The following ATF7IP variants were observed in gnomAD, a reference collection of about 807,000 sequenced individuals.
ATF7IP encodes activating transcription factor 7 interacting protein.
ATF7IP carries 23 observed loss-of-function variants against 106.4 expected under a neutral mutation model. The ratio of observed to expected loss-of-function variants is 0.22; its 90% CI spans 0.16 to 0.31. The LOEUF is 0.31. ATF7IP is among the 10% of genes least tolerant of loss of function. The pLI is 1.00. For synonymous variants in ATF7IP, 542 were observed against 539.0 expected, an observed-to-expected ratio of 1.01 and a Z score of -0.08; for missense variants, 1,334 against 1,524.3, an observed-to-expected ratio of 0.88 and a Z score of 2.08.
At chr12:14,413,622 TATTA>T (rs762749835) in intron 1 of ATF7IP, among the ~76,000 whole-genome samples, 5 of 152,230 alleles carry the variant, frequency 3.3e-5, no homozygotes, top group South Asian at 2.1e-4. Context: ...ATTATTGATT[TATTA>T]ATTCACATCA....
chr12:14,473,282 C>G (rs7303950), intron 10 of ATF7IP, among the ~76,000 whole-genome samples: 32,925 of 92,648 alleles, frequency 0.36, 3,992 homozygotes, highest in South Asian at 0.47. Flanking sequence ...CGCGCTCTCT[C>G]TCTCTCTCTG....
chr12:14,496,410 C>T (rs561789768), intron 14 of ATF7IP, 67 bp downstream of exon 14: 14 of 1,066,036 alleles, frequency 1.3e-5, no homozygotes, highest in Admixed American at 8.7e-5. Context: ...TTGTATTTGG[C>T]ATTTTTCTTT....
chr12:14,415,691 GTTTT>G (rs71067794), intron 1 of ATF7IP, among the ~76,000 whole-genome samples: 6 of 144,802 alleles, frequency 4.1e-5, no homozygotes, highest in African/African-American at 1.0e-4. Context: ...ACCACTTACT[GTTTT>G]TTTTTTTTTT....
At chr12:14,396,215 C>G (rs1379335833) in intron 1 of ATF7IP, among the ~76,000 whole-genome samples, 1 of 152,060 alleles carries the variant, frequency 6.6e-6, no homozygotes, top group Non-Finnish European at 1.5e-5. Flanking sequence ...GCTCTCTGCT[C>G]TTTCCCTCCC....
At position 14,468,222 on chromosome 12, in the gene ATF7IP, C is replaced by G. The variant is rs868272984; in HGVS notation, c.2862+1632C>G. ...GGCGGAGGTTGCAGTGAGCTGAGAT[C>G]ATACCACTTTACTCCAGCCTGGGTG... On this transcript the variant is annotated intron_variant, in intron 10 of 14. Transcript: ENST00000261168. Among the ~76,000 whole-genome samples, 16 of 145,574 alleles carry G rather than the reference C, an allele frequency of 1.1e-4. 1 individual carries two copies. The highest frequency in any genetic ancestry group is 2.2e-4 in the South Asian group (1 of 4,536).
intron 1 of ATF7IP, among the ~76,000 whole-genome samples, chr12:14,376,813 A>G (rs779834846): frequency 8.5e-5 from 13 of 152,074 alleles, no homozygotes; most frequent in Non-Finnish European, 5.9e-5. Context: ...TTAAGATGCA[A>G]TCCTTGGGAG....
intron 3 of ATF7IP, among the ~76,000 whole-genome samples, chr12:14,434,906 C>G (rs2136613558): frequency 6.6e-6 from 1 of 152,104 alleles, no homozygotes; most frequent in African/African-American, 2.4e-5. Context: ...GGTGACATAG[C>G]AAGAACCTGT....
intron 1 of ATF7IP, chr12:14,369,006 G>A (rs1464812650): frequency 6.6e-6 from 1 of 151,458 alleles, no homozygotes; most frequent in Non-Finnish European, 1.5e-5. Flanking sequence ...CTAAAGTGCA[G>A]TGGCAGTGAT....
intron 13 of ATF7IP, among the ~76,000 whole-genome samples, chr12:14,493,907 A>G (rs1944911135): frequency 6.6e-6 from 1 of 151,774 alleles, no homozygotes; most frequent in African/African-American, 2.4e-5. Flanking sequence ...TGAGTTCATC[A>G]TTTTCTTTCA....
chr12:14,454,816 T>C (rs1260086568), intron 6 of ATF7IP, among the ~76,000 whole-genome samples: 3 of 152,204 alleles, frequency 2.0e-5, no homozygotes, highest in Non-Finnish European at 4.4e-5. Flanking sequence ...TTATTTATTC[T>C]CTATGCTTTT....
rs572714985 is a variant in ATF7IP, at chr12:14,433,610, C to T, written c.1559-727C>T. Among the ~76,000 whole-genome samples, 8 of 151,122 alleles carry T rather than the reference C, an allele frequency of 5.3e-5. No individual in the cohort carries two copies. The East Asian group carries it at 1.4e-3, about 26-fold the overall frequency. On this transcript the variant is annotated intron_variant, in intron 2 of 14. Coordinates refer to ENST00000261168, the MANE Select transcript of ATF7IP (RefSeq NM_018179.5). ...ACTTGAACCCGGGAGGCGGAGGTTGCAGTGAGACGAGATCGCCCCACTGCA... is the reference window on the plus strand; with the variant it reads ...ACTTGAACCCGGGAGGCGGAGGTTGTAGTGAGACGAGATCGCCCCACTGCA...
At chr12:14,367,982 A>G (rs969211481) in intron 1 of ATF7IP, among the ~76,000 whole-genome samples, 1 of 152,122 alleles carries the variant, frequency 6.6e-6, no homozygotes, top group African/African-American at 2.4e-5. Context: ...TACTGAAGTT[A>G]TTTAAAATCT....
Position 14,424,667 on chromosome 12 carries a change from CTGA to C in ATF7IP, c.757_759del (p.Asp253del). On this transcript the variant is annotated inframe_deletion, in exon 2 of 15. Coordinates refer to ENST00000261168, the MANE Select transcript of ATF7IP (RefSeq NM_018179.5). ...GCACCAGCTTCCACTGATCCAGCCT[CTGA>C]TGATCTGGCCTCTGGTGATCTATCC... 1 of 1,614,180 alleles carries C rather than the reference CTGA, an allele frequency of 6.2e-7. No individual in the cohort carries two copies.
chr12:14,425,470 C>T lies in ATF7IP; in HGVS notation c.1555C>T (p.Pro519Ser). The change falls in exon 2 of 15, where the codon CCA becomes TCA. Residue 519 changes from proline to serine, a missense_variant. Pro to Ser is a moderately conservative substitution (Grantham distance 74). This residue lies in a region of ATF7IP where 119 missense variants were observed against 117.8 expected (regional missense o/e 1.01). Coordinates refer to ENST00000261168, the MANE Select transcript of ATF7IP (RefSeq NM_018179.5). Reference sequence around the variant, plus strand: ...TATATCGCAAAATGAAACGTGCTCTCCAGGTTAGCATATAACTTAAATGTT... The same window carrying T: ...TATATCGCAAAATGAAACGTGCTCTTCAGGTTAGCATATAACTTAAATGTT... ...EVISQNETCS[P>S]AEVESNEKDN... The T allele has an allele frequency of 6.5e-7, 1 of 1,537,860 alleles. No homozygotes were observed. The highest frequency in any genetic ancestry group is 2.3e-5 in the East Asian group (1 of 43,728).
chr12:14,424,343 A>G lies in ATF7IP; in HGVS notation c.428A>G (p.Asp143Gly). The G allele has an allele frequency of 6.2e-7, 1 of 1,614,204 alleles. No individual in the cohort carries two copies. Among genetic ancestry groups the G allele is most frequent in the Non-Finnish European group, 8.5e-7 (1 of 1,180,032 alleles). Residue 143 changes from aspartate to glycine, a missense_variant, in exon 2 of 15, where the codon GAT (aspartate) becomes GGT (glycine). Asp to Gly is a moderately conservative substitution (Grantham distance 94, BLOSUM62 -1). Coordinates refer to ENST00000261168, the MANE Select transcript of ATF7IP (RefSeq NM_018179.5). ...GCCCCTGGTGATCTGGATGCCGGAGATCCAGCCTCCGGAGTACTGGCCTCT... is the reference window on the plus strand; with the variant it reads ...GCCCCTGGTGATCTGGATGCCGGAGGTCCAGCCTCCGGAGTACTGGCCTCT... ...DPAPGDLDAG[D>G]PASGVLASGD...
At chr12:14,461,182 C>T (rs367855962) in intron 9 of ATF7IP, 49 bp downstream of exon 9, 299 of 1,506,876 alleles carry the variant, frequency 2.0e-4, no homozygotes, top group Non-Finnish European at 2.5e-4. Flanking sequence ...ATCTTAATAG[C>T]CTTGTAATGA....
chr12:14,491,271 T>C (rs1944811888), intron 13 of ATF7IP, among the ~76,000 whole-genome samples: 1 of 152,200 alleles, frequency 6.6e-6, no homozygotes, highest in Non-Finnish European at 1.5e-5. Context: ...ACATGAGGAA[T>C]GTGTTGCCTC....
At chr12:14,387,590 A>G (rs747190854) in intron 1 of ATF7IP, among the ~76,000 whole-genome samples, 17 of 152,172 alleles carry the variant, frequency 1.1e-4, no homozygotes, top group Non-Finnish European at 1.8e-4. Flanking sequence ...TTACCTGTAC[A>G]TGAGGAAATA....
intron 13 of ATF7IP, among the ~76,000 whole-genome samples, chr12:14,488,409 G>A (rs1390981717): frequency 6.6e-6 from 1 of 152,108 alleles, no homozygotes; most frequent in Non-Finnish European, 1.5e-5. Context: ...ATCCAGCACA[G>A]GAAAAAGATG....
Sources: gnomAD v4.1 joint callset for allele counts (sites outside exome capture counted in the v4.1 genomes callset) on GRCh38, gnomAD v4.1.1 for gene constraint, gnomAD v4.1.1 regional missense constraint, MANE v1.5 for transcripts, NCBI Gene and HGNC (gene_info 2026-07-23, HGNC 2026-07-21) for gene names.